Variants in NCAM2 observed in about 807,000 individuals in gnomAD.
NCAM2 encodes neural cell adhesion molecule 2.
In NCAM2, 30 loss-of-function variants were observed where a neutral mutation model predicts 98.1. That is an observed-to-expected ratio of 0.31 (90% confidence interval 0.23 to 0.41). NCAM2 has a LOEUF of 0.41. Ranked by LOEUF, NCAM2 falls within the 10% of genes least tolerant of loss-of-function variation. The pLI is 1.00. For synonymous variants in NCAM2, 368 were observed against 342.4 expected, an observed-to-expected ratio of 1.07 and a Z score of -0.83; for missense variants, 867 against 1,005.8, an observed-to-expected ratio of 0.86 and a Z score of 1.87.
intron 1 of NCAM2, among the ~76,000 whole-genome samples, chr21:21,007,800 C>T (rs565238982): frequency 1.1e-3 from 169 of 152,204 alleles, no homozygotes; most frequent in Non-Finnish European, 2.2e-3. Flanking sequence ...ACCTGTATCT[C>T]GTGCCAACCT....
chr21:21,098,358 T>G (rs1340271065), intron 1 of NCAM2, among the ~76,000 whole-genome samples: 1 of 151,764 alleles, frequency 6.6e-6, no homozygotes, highest in Non-Finnish European at 1.5e-5. Flanking sequence ...CTATTAGACC[T>G]TTTTTCTGTA....
chr21:21,433,400 C>T (rs1569058652), intron 12 of NCAM2, among the ~76,000 whole-genome samples: 1 of 151,676 alleles, frequency 6.6e-6, no homozygotes, highest in Non-Finnish European at 1.5e-5. Context: ...AACCTGGATG[C>T]AGGAATATTG....
At chr21:21,211,720 G>T (rs1263410940) in intron 1 of NCAM2, among the ~76,000 whole-genome samples, 1 of 152,144 alleles carries the variant, frequency 6.6e-6, no homozygotes, top group Non-Finnish European at 1.5e-5. Flanking sequence ...TGTGGTCACT[G>T]CTTCTTTCCA....
At chr21:21,311,682 C>T (rs1027740279) in intron 5 of NCAM2, among the ~76,000 whole-genome samples, 13 of 151,992 alleles carry the variant, frequency 8.6e-5, no homozygotes, top group African/African-American at 2.4e-4. Context: ...CTTTTGTTTC[C>T]GTTATCAGAT....
intron 9 of NCAM2, among the ~76,000 whole-genome samples, chr21:21,394,454 A>C (rs1178064364): frequency 7.8e-6 from 1 of 128,406 alleles, no homozygotes; most frequent in Non-Finnish European, 1.7e-5. Context: ...GACCTTAGTT[A>C]ATTTAAGGGG....
intron 1 of NCAM2, among the ~76,000 whole-genome samples, chr21:21,185,913 C>G (rs1569122909): frequency 6.6e-6 from 1 of 151,716 alleles, no homozygotes; most frequent in East Asian, 1.9e-4. Context: ...AAAATGCAGC[C>G]CGAACTAACA....
At chr21:21,180,519 A>G (rs543529797) in intron 1 of NCAM2, among the ~76,000 whole-genome samples, 8 of 152,270 alleles carry the variant, frequency 5.3e-5, no homozygotes, top group Non-Finnish European at 8.8e-5. Context: ...AGGTAAATCT[A>G]CCTCCTGTTA....
chr21:21,235,386 T>C (rs1477579292), intron 1 of NCAM2, among the ~76,000 whole-genome samples: 1 of 152,014 alleles, frequency 6.6e-6, no homozygotes, highest in Non-Finnish European at 1.5e-5. Context: ...TTAAATAATA[T>C]CAAATTTATT....
At chr21:21,289,561 G>A (rs2073220835) in intron 4 of NCAM2, among the ~76,000 whole-genome samples, 1 of 151,886 alleles carries the variant, frequency 6.6e-6, no homozygotes, top group African/African-American at 2.4e-5. Context: ...ATGGCCCAGA[G>A]GTGAAAAGCA....
chr21:21,137,585 C>G (rs2067084944), intron 1 of NCAM2, among the ~76,000 whole-genome samples: 1 of 152,084 alleles, frequency 6.6e-6, no homozygotes, highest in African/African-American at 2.4e-5. Flanking sequence ...ATGGAGAAAC[C>G]CTGTCTCTAC....
chr21:21,426,215 A>G (rs2077210773), intron 11 of NCAM2, among the ~76,000 whole-genome samples: 1 of 152,152 alleles, frequency 6.6e-6, no homozygotes, highest in Non-Finnish European at 1.5e-5. Flanking sequence ...CCACAGCATG[A>G]TCGAAACAAG....
intron 1 of NCAM2, among the ~76,000 whole-genome samples, chr21:21,190,554 A>G (rs1044728280): frequency 1.3e-5 from 2 of 152,194 alleles, no homozygotes; most frequent in Non-Finnish European, 2.9e-5. Flanking sequence ...GGTGCTAACA[A>G]TACACTTGGA....
chr21:21,232,124 CAT>C (rs1166466373), intron 1 of NCAM2, among the ~76,000 whole-genome samples: 1 of 151,416 alleles, frequency 6.6e-6, no homozygotes, highest in East Asian at 1.9e-4. Flanking sequence ...ATACTTGACT[CAT>C]AGAGAGGATC....
intron 1 of NCAM2, among the ~76,000 whole-genome samples, chr21:21,248,682 C>A (rs1463732330): frequency 1.4e-5 from 2 of 140,904 alleles, no homozygotes; most frequent in African/African-American, 5.3e-5. Flanking sequence ...GAGGCTGAGG[C>A]AGGAGAATGG....
intron 1 of NCAM2, among the ~76,000 whole-genome samples, chr21:21,261,925 A>G (rs2071915777): frequency 6.6e-6 from 1 of 152,124 alleles, no homozygotes; most frequent in Non-Finnish European, 1.5e-5. Flanking sequence ...TAAAAAGTTA[A>G]TTATTTGAAA....
chr21:21,210,166 T>C (rs924975518), intron 1 of NCAM2, among the ~76,000 whole-genome samples: 14 of 152,208 alleles, frequency 9.2e-5, no homozygotes, highest in African/African-American at 2.9e-4. Flanking sequence ...ATCAAATACA[T>C]GTTACATTGA....
chr21:21,018,880 G>A (rs1335269430), intron 1 of NCAM2, among the ~76,000 whole-genome samples: 3 of 152,114 alleles, frequency 2.0e-5, no homozygotes, highest in Admixed American at 2.0e-4. Context: ...AGCATTGAAT[G>A]GTTCTATTTT....
At chr21:21,030,345 T>C (rs1012743934) in intron 1 of NCAM2, among the ~76,000 whole-genome samples, 1 of 152,244 alleles carries the variant, frequency 6.6e-6, no homozygotes, top group Admixed American at 6.5e-5. Context: ...ATTAATTTTC[T>C]ACTGCTGTTG....
intron 1 of NCAM2, among the ~76,000 whole-genome samples, chr21:21,260,164 T>A: frequency 6.6e-6 from 1 of 151,226 alleles, no homozygotes; most frequent in Non-Finnish European, 1.5e-5. Flanking sequence ...AAAATAGAAT[T>A]AAAAAGAACA....
Sources: allele counts gnomAD v4.1 joint callset (sites outside exome capture counted in the v4.1 genomes callset), GRCh38; gene constraint gnomAD v4.1.1; transcripts MANE v1.5; gene names NCBI Gene and HGNC (gene_info 2026-07-23, HGNC 2026-07-21).